Variants in PKIG observed in about 807,000 individuals in gnomAD.
The protein encoded by PKIG is protein kinase (cAMP-dependent, catalytic) inhibitor gamma.
Under a neutral mutation model 6.8 loss-of-function variants are expected in PKIG, and 1 was observed. The ratio of observed to expected loss-of-function variants is 0.15; its 90% CI spans 0.05 to 0.69. PKIG has a LOEUF of 0.69. Among genes scored for constraint, PKIG ranks in the 30% least tolerant of loss-of-function variants. PKIG has a pLI of 0.82. For missense variants in PKIG, 77 were observed against 104.0 expected (o/e 0.74, Z 1.13); for synonymous variants, 39 against 43.0 (o/e 0.91, Z 0.36).
chr20:44,562,550 C>T (rs1438774196), intron 1 of PKIG, among the ~76,000 whole-genome samples: 1 of 140,128 alleles, frequency 7.1e-6, no homozygotes, highest in Non-Finnish European at 1.5e-5. Flanking sequence ...TGCAGTGAGC[C>T]TAGATCGTGC....
intron 1 of PKIG, among the ~76,000 whole-genome samples, chr20:44,538,477 A>C (rs2064532595): frequency 6.6e-6 from 1 of 152,242 alleles, no homozygotes; most frequent in Admixed American, 6.5e-5. Flanking sequence ...CAAAAGTAGA[A>C]AAGATAATAA....
chr20:44,535,997 A>G (rs770364337), intron 1 of PKIG, among the ~76,000 whole-genome samples: 15 of 152,118 alleles, frequency 9.9e-5, no homozygotes, highest in Non-Finnish European at 2.1e-4. Context: ...GGCAGCACCC[A>G]TTCTACTTTT....
At chr20:44,590,057 C>T (rs1036901830) in intron 2 of PKIG, among the ~76,000 whole-genome samples, 191 bp downstream of exon 2, 31 of 151,796 alleles carry the variant, frequency 2.0e-4, no homozygotes, top group African/African-American at 6.3e-4. Context: ...TACAATTTCA[C>T]AGTCAAGATT....
intron 1 of PKIG, among the ~76,000 whole-genome samples, chr20:44,561,495 G>C (rs965553048): frequency 2.0e-5 from 3 of 152,202 alleles, no homozygotes; most frequent in Admixed American, 6.5e-5. Flanking sequence ...TAGTGAACTA[G>C]AAGATAGAAG....
chr20:44,560,107 G>T (rs1394050075), intron 1 of PKIG, among the ~76,000 whole-genome samples: 1 of 151,884 alleles, frequency 6.6e-6, no homozygotes, highest in Non-Finnish European at 1.5e-5. Flanking sequence ...AAAATTAGCT[G>T]GGCATGGTGT....
chr20:44,574,219 C>G (rs1433603228), intron 1 of PKIG, among the ~76,000 whole-genome samples: 1 of 152,094 alleles, frequency 6.6e-6, no homozygotes, highest in East Asian at 1.9e-4. Context: ...ACCATCTGTT[C>G]CCTGCCCCCA....
At chr20:44,552,946 A>G (rs2123202802) in intron 1 of PKIG, among the ~76,000 whole-genome samples, 1 of 152,194 alleles carries the variant, frequency 6.6e-6, no homozygotes, top group East Asian at 1.9e-4. Flanking sequence ...AGAGTCAATG[A>G]TCTGAGTCTG....
intron 1 of PKIG, among the ~76,000 whole-genome samples, chr20:44,537,742 A>AT (rs1236609004): frequency 2.3e-3 from 267 of 118,528 alleles, no homozygotes; most frequent in East Asian, 6.5e-3. Context: ...CACACCGGCT[A>AT]TTTTTTTTTT....
intron 1 of PKIG, among the ~76,000 whole-genome samples, chr20:44,548,883 CACACACACACACACACACACAT>C (rs1419858143): frequency 2.8e-5 from 4 of 144,442 alleles, no homozygotes; most frequent in African/African-American, 1.1e-4. Context: ...CACACACACA[CACACACACACACACACACACAT>C]ATATCTGTCT....
At chr20:44,551,085 C>T (rs1243970325) in intron 1 of PKIG, among the ~76,000 whole-genome samples, 16 of 151,314 alleles carry the variant, frequency 1.1e-4, no homozygotes, top group Admixed American at 3.3e-4. Flanking sequence ...TTTTTTGAGA[C>T]GGAGTCTTGC....
rs188820282 is a variant in PKIG at position 44,532,493 on chromosome 20, T to C, written c.-241+515T>C. On this transcript the variant is annotated intron_variant, in intron 1 of 4. Coordinates refer to the PKIG transcript ENST00000372887. Reference sequence around the variant, plus strand: ...CTACAAGGAGGACCATCACTGAGCATTTATTGTGAGCCACGGCCCGGGCTG... The same window carrying C: ...CTACAAGGAGGACCATCACTGAGCACTTATTGTGAGCCACGGCCCGGGCTG... Among the ~76,000 whole-genome samples, 13 of 152,286 alleles carry C rather than the reference T, an allele frequency of 8.5e-5. No individual in the cohort carries two copies. In the East Asian group the frequency reaches 2.5e-3, roughly 29 times the overall value.
chr20:44,561,761 C>T (rs186632488), intron 1 of PKIG, among the ~76,000 whole-genome samples: 5 of 152,128 alleles, frequency 3.3e-5, no homozygotes, highest in Admixed American at 2.6e-4. Flanking sequence ...CTGCGCCCAG[C>T]TTTAATATAC....
intron 1 of PKIG, chr20:44,564,472 T>G (rs527421803): frequency 3.4e-5 from 5 of 147,208 alleles, no homozygotes; most frequent in Non-Finnish European, 7.7e-5. Flanking sequence ...TATTTTAGTG[T>G]TTTTTTTTTC....
chr20:44,596,577 C>T (rs1315158212), intron 2 of PKIG, among the ~76,000 whole-genome samples: 1 of 152,174 alleles, frequency 6.6e-6, no homozygotes, highest in African/African-American at 2.4e-5. Flanking sequence ...TTCCAGGTTC[C>T]AAGGGAGGCT....
intron 1 of PKIG, among the ~76,000 whole-genome samples, chr20:44,541,752 G>C (rs1403265428): frequency 6.8e-6 from 1 of 147,584 alleles, no homozygotes; most frequent in African/African-American, 2.5e-5. Context: ...GGAGTGCAAT[G>C]GATCACGGCT....
chr20:44,607,649 C>T (rs756843217), intron 2 of PKIG, among the ~76,000 whole-genome samples: 2 of 147,530 alleles, frequency 1.4e-5, no homozygotes, highest in African/African-American at 5.0e-5. Context: ...AGCCAAGACA[C>T]ATTTTTAAAT....
At chr20:44,555,952 T>G (rs1029066776) in intron 1 of PKIG, among the ~76,000 whole-genome samples, 1 of 152,214 alleles carries the variant, frequency 6.6e-6, no homozygotes, top group African/African-American at 2.4e-5. Flanking sequence ...GCGATTCTCC[T>G]GCCTCAGCCT....
intron 1 of PKIG, among the ~76,000 whole-genome samples, chr20:44,573,497 A>G (rs187574566): frequency 2.6e-4 from 39 of 152,366 alleles, no homozygotes; most frequent in African/African-American, 8.7e-4. Flanking sequence ...TTGTCAAGTA[A>G]AGATAGTCAT....
chr20:44,600,161 G>A (rs185765003), intron 2 of PKIG, among the ~76,000 whole-genome samples: 1 of 152,314 alleles, frequency 6.6e-6, no homozygotes, highest in Non-Finnish European at 1.5e-5. Flanking sequence ...AATTAAATGA[G>A]GTTTGAGGAT....
Sources: gnomAD v4.1 joint callset for allele counts (sites outside exome capture counted in the v4.1 genomes callset) on GRCh38, gnomAD v4.1.1 for gene constraint, MANE v1.5 for transcripts, NCBI Gene and HGNC (gene_info 2026-07-23, HGNC 2026-07-21) for gene names.